The following TCHP variants were observed in gnomAD, a reference collection of about 807,000 sequenced individuals.
TCHP encodes trichoplein keratin filament-binding protein.
Under a neutral mutation model 88.7 loss-of-function variants are expected in TCHP, and 81 were observed. The ratio of observed to expected loss-of-function variants is 0.91; its 90% CI spans 0.76 to 1.10. TCHP has a LOEUF of 1.10. TCHP is among the 50% of genes least tolerant of loss of function. TCHP has a pLI of 0.00. For missense variants in TCHP, 641 were observed against 632.1 expected (o/e 1.01, Z -0.15); for synonymous variants, 232 against 232.5 (o/e 1.00, Z 0.02).
Position 109,904,037 on chromosome 12 carries a change from C to T in TCHP, c.289C>T (p.Leu97=), listed in dbSNP as rs1214223097. The stretch of plus-strand genomic sequence containing the variant: ...GCAGCTCATGCAGGAGGAGCAGGAC[C>T]TGCTGGCCAGAGAACTGGAGGAGCT... ...LRQLMQEEQD[L]LARELEELRL... The change falls in exon 3 of 13, where the codon CTG becomes TTG. Residue 97 remains leucine (L), a synonymous_variant. Transcript: ENST00000405876. The T allele has an allele frequency of 1.2e-6, 2 of 1,608,002 alleles. No homozygotes were observed. The highest frequency in any genetic ancestry group is 1.7e-6 in the Non-Finnish European group (2 of 1,177,200).
At chr12:109,884,127 G>A in the TCHP span, among the ~76,000 whole-genome samples, 1 of 152,194 alleles carries the variant, frequency 6.6e-6, no homozygotes, top group Non-Finnish European at 1.5e-5. Flanking sequence ...AGGAGTTGGA[G>A]GCTGCAGTGA....
chr12:109,916,323 A>G lies in TCHP; in HGVS notation c.1465-268A>G, dbSNP rs115667992. Reference sequence around the variant, plus strand: ...ACTGACTGTCACAGTCACAGGGAACAGCATTTCCTAAACCCACTTGGCCGT... The same window carrying G: ...ACTGACTGTCACAGTCACAGGGAACGGCATTTCCTAAACCCACTTGGCCGT... On this transcript the variant is annotated intron_variant, in intron 12 of 12. Coordinates refer to ENST00000405876, the MANE Select transcript of TCHP (RefSeq NM_001143852.2). 2.3e-3 allele frequency among the ~76,000 whole-genome samples: 353 copies of G among 152,360 alleles called. 2 individuals carry two copies. Among genetic ancestry groups the G allele is most frequent in the African/African-American group, 7.8e-3 (323 of 41,586 alleles).
Position 109,914,528 on chromosome 12 carries a change from A to G in TCHP, c.1221A>G (p.Gln407=). The change falls in exon 11 of 13, where the codon CAA becomes CAG. Residue 407 remains glutamine (Q), a synonymous_variant. Transcript: ENST00000405876. ...AGGAATCCCTGAAACACAGGGAGCA[A>G]CTTATTCGAAATCTTGAGGAGGTGA... is the stretch of plus-strand genomic sequence containing the variant. The part of the protein sequence containing the change: ...AQEESLKHRE[Q]LIRNLEEVRE... 6.2e-7 allele frequency: 1 copy of G among 1,614,140 alleles called. No individual in the cohort carries two copies. The highest frequency in any genetic ancestry group is 8.5e-7 in the Non-Finnish European group (1 of 1,179,986).
chr12:109,915,352 T>C, intron 11 of TCHP, 51 bp from the exon 12 acceptor site: 2 of 1,613,186 alleles, frequency 1.2e-6, no homozygotes, highest in Non-Finnish European at 1.7e-6. Flanking sequence ...GAGGCAGGGC[T>C]CTGCCCTGTG....
chr12:109,906,614 G>A lies in TCHP; in HGVS notation c.499G>A (p.Glu167Lys). The A allele has an allele frequency of 6.2e-7, 1 of 1,610,862 alleles. No individual in the cohort carries two copies. ...LHQKHVVNSW[E>K]MQKEEKKQQE... ...CCAGAAGCATGTCGTAAACTCTTGG[G>A]AAATGCAGAAAGAAGAAAAAAAACA... Residue 167 changes from glutamate to lysine, a missense_variant, in exon 5 of 13, where the codon GAA (glutamate) becomes AAA (lysine). Transcript: ENST00000405876.
In TCHP at chr12:109,911,214, C is replaced by A; in HGVS notation, c.1031C>A (p.Ala344Glu). 6.3e-7 allele frequency: 1 copy of A among 1,575,958 alleles called. No homozygotes were observed. The highest frequency in any genetic ancestry group is 1.3e-5 in the African/African-American group (1 of 74,506). ...CTGCAGCTGGAGCGGGCGCGGGAGGCAGAGCTGCAGATGCTGCTGAGGTGA... is the reference window on the plus strand; with the variant it reads ...CTGCAGCTGGAGCGGGCGCGGGAGGAAGAGCTGCAGATGCTGCTGAGGTGA... ...EQLQLERARE[A>E]ELQMLLREEA... The change falls in exon 9 of 13, where the codon GCA becomes GAA. Residue 344 changes from alanine to glutamate, a missense_variant. Transcript: ENST00000405876.
At chr12:109,896,830 G>C (rs1449971252), upstream of TCHP, among the ~76,000 whole-genome samples, 3 of 152,136 alleles carry the variant, frequency 2.0e-5, no homozygotes, top group Non-Finnish European at 4.4e-5. Flanking sequence ...CAAGAGAATT[G>C]CTTGAACCTG....
intron 6 of TCHP, 129 bp downstream of exon 6, chr12:109,907,828 G>A (rs1870234304): frequency 6.8e-6 from 7 of 1,023,164 alleles, no homozygotes; most frequent in African/African-American, 1.6e-5. Flanking sequence ...GGCAGCAGCC[G>A]GGTTCTCCCT....
upstream of TCHP, among the ~76,000 whole-genome samples, chr12:109,899,773 A>C (rs1869673100): frequency 6.6e-6 from 1 of 152,128 alleles, no homozygotes; most frequent in South Asian, 2.1e-4. Flanking sequence ...TGGTTTGGGC[A>C]TCTGGATTTT....
chr12:109,901,708 C>T (rs1869807261), intron 1 of TCHP, among the ~76,000 whole-genome samples: 1 of 152,170 alleles, frequency 6.6e-6, no homozygotes, highest in African/African-American at 2.4e-5. Context: ...TTAATTGTTT[C>T]TCTGTGACTC....
chr12:109,892,314 G>C, the TCHP span, among the ~76,000 whole-genome samples: 1 of 152,212 alleles, frequency 6.6e-6, no homozygotes, highest in African/African-American at 2.4e-5. Flanking sequence ...TTTACACTGG[G>C]ATCCTGAAGT....
rs757008695 is a variant in TCHP at position 109,904,145 on chromosome 12, C to T, written c.397C>T (p.Leu133=). The stretch of plus-strand genomic sequence containing the variant: ...ATCAGCCAAAGAAGAGCAGAGGAAA[C>T]TGGTAACTCCCCAGAGGGCTTCAGG... ...LKSAKEEQRK[L]IAEQLLYEHW... Residue 133 remains leucine (L), a splice_region_variant and synonymous_variant, in exon 3 of 13, where the codon CTG becomes TTG. Transcript: ENST00000405876. 4 of 1,565,116 alleles carry T rather than the reference C, an allele frequency of 2.6e-6. No homozygotes were observed. The highest frequency in any genetic ancestry group is 1.4e-5 in the African/African-American group (1 of 73,472).
At chr12:109,885,271 C>T in the TCHP span, among the ~76,000 whole-genome samples, 1 of 152,110 alleles carries the variant, frequency 6.6e-6, no homozygotes, top group Admixed American at 6.5e-5. Flanking sequence ...AGCCCAGCCC[C>T]AGGACAGTAA....
In TCHP at chr12:109,907,515, G is replaced by T. The variant is rs769855864; in HGVS notation, c.526-11G>T. 20 of 1,613,438 alleles carry T rather than the reference G, an allele frequency of 1.2e-5. No homozygotes were observed. Among genetic ancestry groups the T allele is most frequent in the Non-Finnish European group, 1.6e-5 (19 of 1,179,700 alleles). On this transcript the variant is annotated splice_polypyrimidine_tract_variant and intron_variant, in intron 5 of 12. Transcript: ENST00000405876. ...ACAGATATTGACCTGTGTTCATTTG[G>T]TCCCTTGTAGCAAGAAGCCACCGCA...
the TCHP span, among the ~76,000 whole-genome samples, chr12:109,895,225 T>C: frequency 1.2e-4 from 17 of 143,462 alleles, no homozygotes; most frequent in South Asian, 3.3e-3. Flanking sequence ...TTTTTTTTTT[T>C]CAGAGACAGT....
intron 10 of TCHP, 126 bp from the exon 11 acceptor site, chr12:109,914,316 G>T: frequency 1.3e-6 from 1 of 783,310 alleles, no homozygotes; most frequent in Non-Finnish European, 2.0e-6. Flanking sequence ...CTGCCTCTGC[G>T]TACCTGGGCC....
the TCHP span, chr12:109,888,514 C>T: frequency 3.3e-5 from 5 of 152,180 alleles, no homozygotes; most frequent in Non-Finnish European, 5.9e-5. Context: ...CCAGCTCCAC[C>T]CAGTGTTAAT....
In TCHP at chr12:109,912,221, T is replaced by C. The variant is rs375063933; in HGVS notation, c.1053-770T>C. 7.9e-5 allele frequency among the ~76,000 whole-genome samples: 12 copies of C among 152,364 alleles called. No homozygotes were observed. The East Asian group carries it at 1.5e-3, about 20-fold the overall frequency. On this transcript the variant is annotated intron_variant, in intron 9 of 12. Transcript: ENST00000405876. ...TAGCATACATTGAGCACTTACTGCA[T>C]GCTGGACACTGTGCCGGGTGCTTTA...
the TCHP span, among the ~76,000 whole-genome samples, chr12:109,882,097 T>C: frequency 4.6e-5 from 7 of 152,056 alleles, no homozygotes; most frequent in South Asian, 1.4e-3. Flanking sequence ...AATAAAACAG[T>C]GTAGTGACGG....
Sources: allele counts gnomAD v4.1 joint callset (sites outside exome capture counted in the v4.1 genomes callset), GRCh38; gene constraint gnomAD v4.1.1; transcripts MANE v1.5; gene names NCBI Gene and HGNC (gene_info 2026-07-23, HGNC 2026-07-21).